EPG5: variants seen among roughly 807,000 people sequenced by gnomAD.
EPG5 encodes ectopic P-granules 5 autophagy tethering factor.
EPG5 carries 159 observed loss-of-function variants against 302.7 expected under a neutral mutation model. That is an observed-to-expected ratio of 0.53 (90% CI 0.46 to 0.60). EPG5 has a LOEUF of 0.60. Ranked by LOEUF, EPG5 falls within the 20% of genes least tolerant of loss-of-function variation. The probability of loss-of-function intolerance (pLI) is 0.00; values close to 1 mark genes in which losing one functional copy is unlikely to be tolerated. For synonymous variants in EPG5, 1,158 were observed against 1,136.8 expected (o/e 1.02, Z -0.37); for missense variants, 2,896 against 3,092.4 (o/e 0.94, Z 1.51).
At chr18:45,837,470 G>A in the EPG5 span, 3 of 1,431,594 alleles carry the variant, frequency 2.1e-6, no homozygotes, top group African/African-American at 3.0e-5. Context: ...CGGGCGCCTC[G>A]ACCCCAGGGC....
chr18:45,857,011 TG>T (rs1220681102), intron 42 of EPG5, among the ~76,000 whole-genome samples: 1 of 151,578 alleles, frequency 6.6e-6, no homozygotes, highest in Non-Finnish European at 1.5e-5. Flanking sequence ...CTCTGCCTCC[TG>T]GGTTTAAGCA....
chr18:45,834,324 T>C, the EPG5 span, among the ~76,000 whole-genome samples: 2 of 152,110 alleles, frequency 1.3e-5, no homozygotes, highest in African/African-American at 4.8e-5. Flanking sequence ...GCAACACAAA[T>C]AGAACCAGAT....
rs534718560 is a variant in EPG5 at position 45,899,366 on chromosome 18, TA to T, written c.4809+37del. The stretch of plus-strand genomic sequence containing the variant: ...GATAAGCCAACATTACGGACTCAAT[TA>T]AAATTCTCTCAGTTCTGAAGAAATT... On this transcript the variant is annotated intron_variant, in intron 27 of 43. Transcript: ENST00000282041. The T allele has an allele frequency of 1.3e-4, 216 of 1,611,356 alleles. 1 individual carries two copies. The African/African-American group carries it at 2.5e-3, about 19-fold the overall frequency.
chr18:45,963,502 T>A (rs2051190972), intron 1 of EPG5, among the ~76,000 whole-genome samples: 1 of 152,086 alleles, frequency 6.6e-6, no homozygotes, highest in African/African-American at 2.4e-5. Flanking sequence ...CCCAGCATGG[T>A]GGCAGGCACC....
At chr18:45,823,726 T>C in the EPG5 span, among the ~76,000 whole-genome samples, 1 of 152,170 alleles carries the variant, frequency 6.6e-6, no homozygotes. Context: ...CCTCCATAAT[T>C]ATAGCCCAGG....
intron 9 of EPG5, among the ~76,000 whole-genome samples, chr18:45,941,340 A>C (rs928072037): frequency 9.2e-5 from 14 of 152,340 alleles, no homozygotes; most frequent in African/African-American, 3.4e-4. Flanking sequence ...GAAGAGACCC[A>C]GAACTGGCCA....
chr18:45,937,350 A>G (rs1186694495), intron 10 of EPG5, among the ~76,000 whole-genome samples: 1 of 150,402 alleles, frequency 6.6e-6, no homozygotes, highest in Non-Finnish European at 1.5e-5. Flanking sequence ...ATATAGATAT[A>G]CACATATATA....
intron 24 of EPG5, among the ~76,000 whole-genome samples, chr18:45,906,810 ATG>A (rs2049762526): frequency 6.6e-6 from 1 of 152,010 alleles, no homozygotes; most frequent in African/African-American, 2.4e-5. Context: ...GCCCACCACC[ATG>A]CCCGGCTAAT....
Position 45,880,139 on chromosome 18 carries a change from C to G in EPG5, c.5603G>C (p.Gly1868Ala). The G allele has an allele frequency of 1.2e-6, 2 of 1,611,144 alleles. No individual in the cohort carries two copies. The highest frequency in any genetic ancestry group is 1.7e-6 in the Non-Finnish European group (2 of 1,178,256). Residue 1868 changes from glycine (G) to alanine (A), a missense_variant, in exon 32 of 44, where the codon GGG becomes GCG. By Grantham distance (60) the Gly-to-Ala change is moderately conservative. Transcript: ENST00000282041. ...CACGGCGCCCTCGGTGGACGCTGCC[C>G]CCTGCTGGCAGCTGGGGGCGCAGCA... is the stretch of plus-strand genomic sequence containing the variant. ...LGCCAPSCQQ[G>A]AASTEGAVLP... is the part of the protein sequence containing the mutation.
downstream of EPG5, chr18:45,847,527 T>A (rs1420158439): frequency 6.6e-6 from 1 of 152,284 alleles, no homozygotes; most frequent in Non-Finnish European, 1.5e-5. Context: ...GTTTCTCATA[T>A]AAAATTTTTC....
At chr18:45,940,431 A>C (rs2050637660) in intron 9 of EPG5, among the ~76,000 whole-genome samples, 1 of 152,204 alleles carries the variant, frequency 6.6e-6, no homozygotes, top group African/African-American at 2.4e-5. Flanking sequence ...CTGGCTGTTT[A>C]AGAATACACT....
the EPG5 span, among the ~76,000 whole-genome samples, chr18:45,810,066 A>T: frequency 6.6e-6 from 1 of 152,256 alleles, no homozygotes; most frequent in African/African-American, 2.4e-5. Context: ...ACAAAAGATC[A>T]TTCAAGGATA....
the EPG5 span, among the ~76,000 whole-genome samples, chr18:45,823,576 G>T: frequency 6.6e-6 from 1 of 152,170 alleles, no homozygotes; most frequent in Non-Finnish European, 1.5e-5. Flanking sequence ...CATTTACACT[G>T]AGTGTTAGCA....
At chr18:45,867,868 C>T (rs1022253244) in intron 36 of EPG5, 120 bp from the exon 37 acceptor site, 1 of 803,046 alleles carries the variant, frequency 1.2e-6, no homozygotes, top group Non-Finnish European at 2.0e-6. Flanking sequence ...GATTATATCA[C>T]TTAGAATCCC....
At chr18:45,838,978 T>C in the EPG5 span, 2 of 1,601,496 alleles carry the variant, frequency 1.2e-6, no homozygotes, top group South Asian at 1.1e-5. Flanking sequence ...CGTCTACCTG[T>C]TCCGCTTCCA....
In EPG5 at chr18:45,901,125, G is replaced by A. The variant is rs751816092; in HGVS notation, c.4517C>T (p.Pro1506Leu). The A allele has an allele frequency of 1.3e-5, 21 of 1,614,008 alleles. No homozygotes were observed. The African/African-American group carries it at 2.3e-4, about 17-fold the overall frequency. ...CGGGTGCAGAGCAAGGGGAGGCTGG[G>A]GAGCCTCATGCTTCCGCAAGTTACT... ...VLSNLRKHEAPQPPLALHPTK... is the reference protein window; with the variant it reads ...VLSNLRKHEALQPPLALHPTK... Residue 1506 changes from proline (P) to leucine (L), a missense_variant, in exon 26 of 44, where the codon CCC (proline) becomes CTC (leucine). Physicochemically the swap from Pro to Leu is moderately conservative, Grantham distance 98. Coordinates refer to ENST00000282041, the MANE Select transcript of EPG5 (RefSeq NM_020964.3).
At chr18:45,822,991 AT>A in the EPG5 span, among the ~76,000 whole-genome samples, 1 of 152,324 alleles carries the variant, frequency 6.6e-6, no homozygotes, top group East Asian at 1.9e-4. Context: ...ATAGACAAAA[AT>A]ATCAAAGATC....
At chr18:45,871,193 GATC>G (rs1319331046) in intron 35 of EPG5, among the ~76,000 whole-genome samples, 5 of 152,182 alleles carry the variant, frequency 3.3e-5, no homozygotes, top group African/African-American at 1.2e-4. Context: ...CAGCATCACT[GATC>G]ATTAGAGAAA....
chr18:45,879,185 G>C lies in EPG5; in HGVS notation c.5697C>G (p.Asp1899Glu). Residue 1899 changes from aspartate to glutamate, a missense_variant, in exon 33 of 44, where the codon GAC (aspartate) becomes GAG (glutamate). Coordinates refer to ENST00000282041, the MANE Select transcript of EPG5 (RefSeq NM_020964.3). The part of the protein sequence containing the change: ...QVMETIQWLS[D>E]FFYKLRLSKM... ...TGGATAACCGAAGCTTATAAAAAAA[G>C]TCTGAAAGCCACTGTATAGTCTCCA... 1 of 1,613,558 alleles carries C rather than the reference G, an allele frequency of 6.2e-7. No individual in the cohort carries two copies. The highest frequency in any genetic ancestry group is 1.1e-5 in the South Asian group (1 of 91,028).
Sources: gnomAD v4.1 joint callset for allele counts (sites outside exome capture counted in the v4.1 genomes callset) on GRCh38, gnomAD v4.1.1 for gene constraint, MANE v1.5 for transcripts, NCBI Gene and HGNC (gene_info 2026-07-23, HGNC 2026-07-21) for gene names.